ADAMTS18: variants seen among roughly 807,000 people sequenced by gnomAD.
ADAMTS18 encodes ADAM metallopeptidase with thrombospondin type 1 motif 18, also known as A disintegrin and metalloproteinase with thrombospondin motifs 18.
In ADAMTS18, 157 loss-of-function variants were observed where a neutral mutation model predicts 165.9. The ratio of observed to expected loss-of-function variants is 0.95; its 90% CI spans 0.83 to 1.08. The LOEUF (loss-of-function observed/expected upper bound fraction) is 1.08. ADAMTS18 is among the 50% of genes least tolerant of loss of function. The probability of loss-of-function intolerance (pLI) is 0.00; values close to 1 mark genes in which losing one functional copy is unlikely to be tolerated. For missense variants in ADAMTS18, 2,040 were observed against 1,534.0 expected (o/e 1.33, Z -5.51); for synonymous variants, 782 against 578.2 (o/e 1.35, Z -5.06).
At chr16:77,370,389 G>C (rs1270809476) in intron 3 of ADAMTS18, among the ~76,000 whole-genome samples, 1 of 152,118 alleles carries the variant, frequency 6.6e-6, no homozygotes, top group Non-Finnish European at 1.5e-5. Flanking sequence ...AGAGTTGTAG[G>C]ACGCAAAAAT....
chr16:77,283,639 A>AG lies in ADAMTS18; in HGVS notation c.*316dup, dbSNP rs1489565772. ...GCCCTTGAACCCTTTGAAGTTCAAA[A>AG]GGGGGTCTCTCCCCAAATCGACGTA... On this transcript the variant is annotated 3_prime_UTR_variant, in exon 23 of 23. Transcript: ENST00000282849. 2 of 328,958 alleles carry AG rather than the reference A, an allele frequency of 6.1e-6. No individual in the cohort carries two copies. Among genetic ancestry groups the AG allele is most frequent in the Admixed American group, 4.6e-5 (1 of 21,950 alleles). 20.4% of individuals were successfully genotyped at this position (328,958 alleles called of 1,614,324 possible).
intron 10 of ADAMTS18, among the ~76,000 whole-genome samples, chr16:77,352,990 G>A (rs970866336): frequency 3.3e-5 from 5 of 152,034 alleles, no homozygotes; most frequent in African/African-American, 4.8e-5. Flanking sequence ...TGAGGCGGGA[G>A]AATGGCATGA....
chr16:77,428,266 C>T (rs1399053118), intron 3 of ADAMTS18, among the ~76,000 whole-genome samples: 1 of 152,144 alleles, frequency 6.6e-6, no homozygotes, highest in Non-Finnish European at 1.5e-5. Context: ...GTCTCTCCAA[C>T]AAGCCTGTTA....
intron 10 of ADAMTS18, among the ~76,000 whole-genome samples, chr16:77,343,272 C>A (rs1039646918): frequency 4.6e-5 from 7 of 152,172 alleles, no homozygotes; most frequent in African/African-American, 1.7e-4. Flanking sequence ...CGTGGTTTCA[C>A]CACGTTGGCC....
intron 3 of ADAMTS18, among the ~76,000 whole-genome samples, chr16:77,409,351 C>T (rs1463150768): frequency 1.3e-5 from 2 of 152,102 alleles, no homozygotes; most frequent in African/African-American, 4.8e-5. Context: ...TGCCTGAAGC[C>T]TTGTCCTACG....
At chr16:77,415,471 C>T (rs1162696413) in intron 3 of ADAMTS18, among the ~76,000 whole-genome samples, 1 of 152,128 alleles carries the variant, frequency 6.6e-6, no homozygotes, top group East Asian at 1.9e-4. Flanking sequence ...GCCAGCAACC[C>T]TGGGATTATC....
intron 22 of ADAMTS18, among the ~76,000 whole-genome samples, chr16:77,288,299 C>T (rs2055294129): frequency 6.6e-6 from 1 of 152,078 alleles, no homozygotes; most frequent in African/African-American, 2.4e-5. Context: ...TGAGAAATCA[C>T]TGATAGTCTG....
At chr16:77,320,838 C>T (rs933269626) in intron 15 of ADAMTS18, among the ~76,000 whole-genome samples, 1 of 152,120 alleles carries the variant, frequency 6.6e-6, no homozygotes, top group African/African-American at 2.4e-5. Flanking sequence ...ATACATGGGG[C>T]CTGGTCGGCA....
At chr16:77,342,871 T>C (rs539254447) in intron 10 of ADAMTS18, among the ~76,000 whole-genome samples, 1 of 152,176 alleles carries the variant, frequency 6.6e-6, no homozygotes, top group African/African-American at 2.4e-5. Flanking sequence ...AGAGTCCTTA[T>C]ATGGGAAAGA....
intron 3 of ADAMTS18, among the ~76,000 whole-genome samples, chr16:77,414,106 T>C (rs2057499867): frequency 6.6e-6 from 1 of 152,354 alleles, no homozygotes; most frequent in South Asian, 2.1e-4. Flanking sequence ...AACGTAAGTA[T>C]ATAATGGCCA....
intron 10 of ADAMTS18, among the ~76,000 whole-genome samples, chr16:77,348,705 G>C (rs1027586893): frequency 2.0e-5 from 3 of 152,172 alleles, no homozygotes; most frequent in Non-Finnish European, 4.4e-5. Context: ...GCACATGCTA[G>C]GCATGGCAGA....
chr16:77,388,967 A>G (rs1846590720), intron 3 of ADAMTS18, among the ~76,000 whole-genome samples: 1 of 152,224 alleles, frequency 6.6e-6, no homozygotes, highest in South Asian at 2.1e-4. Context: ...TGAAGAAGTC[A>G]TTAGGTGGAG....
At chr16:77,322,754 A>G (rs79322017) in intron 13 of ADAMTS18, among the ~76,000 whole-genome samples, 13,266 of 152,246 alleles carry the variant, frequency 0.087, 791 homozygotes, top group East Asian at 0.27. Flanking sequence ...GCCTCCCTGG[A>G]TAGTAAACCT....
chr16:77,383,794 A>AG, intron 3 of ADAMTS18, among the ~76,000 whole-genome samples: 1 of 151,696 alleles, frequency 6.6e-6, no homozygotes, highest in Admixed American at 6.6e-5. Context: ...GCCCTCCTTG[A>AG]CCTCCCAAAG....
intron 3 of ADAMTS18, among the ~76,000 whole-genome samples, chr16:77,420,431 A>T (rs1218035813): frequency 1.6e-4 from 25 of 152,132 alleles, no homozygotes. Context: ...TTTGGGCCCC[A>T]TCCTCAGACA....
intron 3 of ADAMTS18, among the ~76,000 whole-genome samples, chr16:77,387,757 G>A (rs1310215241): frequency 4.6e-5 from 7 of 152,176 alleles, no homozygotes; most frequent in Non-Finnish European, 1.0e-4. Context: ...AAGATAACAT[G>A]TGAACTGAGA....
chr16:77,305,319 T>A (rs1567467859), intron 16 of ADAMTS18, among the ~76,000 whole-genome samples: 1 of 152,174 alleles, frequency 6.6e-6, no homozygotes, highest in South Asian at 2.1e-4. Context: ...ACTTGTCTCA[T>A]AGAATCTCTG....
chr16:77,363,664 T>C (rs2056748832), intron 6 of ADAMTS18, 138 bp downstream of exon 6: 3 of 667,434 alleles, frequency 4.5e-6, no homozygotes, highest in African/African-American at 3.6e-5. Flanking sequence ...TTTAAAATTG[T>C]ACTTTGAGGA....
chr16:77,370,310 T>A (rs1204326968), intron 3 of ADAMTS18, among the ~76,000 whole-genome samples: 1 of 152,162 alleles, frequency 6.6e-6, no homozygotes, highest in African/African-American at 2.4e-5. Context: ...TGTTTTCAGA[T>A]AACATGATCT....
Sources: allele counts gnomAD v4.1 joint callset (sites outside exome capture counted in the v4.1 genomes callset), GRCh38; gene constraint gnomAD v4.1.1; transcripts MANE v1.5; gene names NCBI Gene and HGNC (gene_info 2026-07-23, HGNC 2026-07-21).